The following HEXB variants were observed in gnomAD, a reference collection of about 807,000 sequenced individuals.
HEXB encodes hexosaminidase subunit beta.
HEXB carries 51 observed loss-of-function variants against 71.2 expected under a neutral mutation model. The ratio of observed to expected loss-of-function variants is 0.72; its 90% CI spans 0.57 to 0.90. The LOEUF (loss-of-function observed/expected upper bound fraction) is 0.90. Ranked by LOEUF, HEXB falls within the 40% of genes least tolerant of loss-of-function variation. The probability of loss-of-function intolerance (pLI) is 0.00; values close to 1 mark genes in which losing one functional copy is unlikely to be tolerated. For synonymous variants in HEXB, 266 were observed against 249.3 expected (o/e 1.07, Z -0.63); for missense variants, 617 against 677.0 (o/e 0.91, Z 0.98).
chr5:74,713,071 G>A (rs931628432), intron 6 of HEXB, among the ~76,000 whole-genome samples: 1 of 152,108 alleles, frequency 6.6e-6, no homozygotes, highest in Admixed American at 6.5e-5. Context: ...CAGTGTTTTC[G>A]GAAGTTTCAC....
At chr5:74,686,194 TG>T (rs1361254071) in intron 1 of HEXB, among the ~76,000 whole-genome samples, 1 of 152,214 alleles carries the variant, frequency 6.6e-6, no homozygotes, top group Non-Finnish European at 1.5e-5. Flanking sequence ...CTGCTCTCCC[TG>T]CTTCCTCTTT....
At chr5:74,711,860 G>C (rs942660326) in intron 6 of HEXB, among the ~76,000 whole-genome samples, 196 of 151,700 alleles carry the variant, frequency 1.3e-3, no homozygotes, top group African/African-American at 4.4e-3. Context: ...AACCATTGTG[G>C]AAGTCAGTGT....
At chr5:74,713,984 G>A (rs536724920) in intron 7 of HEXB, among the ~76,000 whole-genome samples, 2 of 152,172 alleles carry the variant, frequency 1.3e-5, no homozygotes, top group Admixed American at 6.5e-5. Flanking sequence ...GGGACTACAG[G>A]CGCCCGCCAC....
At chr5:74,695,995 T>C (rs930234868) in intron 3 of HEXB, among the ~76,000 whole-genome samples, 2 of 152,182 alleles carry the variant, frequency 1.3e-5, no homozygotes, top group African/African-American at 4.8e-5. Context: ...ACAGAAACTT[T>C]CAGAGTTATT....
In HEXB at chr5:74,720,929, A is replaced by C. The variant is rs535229018; in HGVS notation, c.1613+182A>C. On this transcript the variant is annotated intron_variant, in intron 13 of 13. Transcript: ENST00000261416. ...AGACTTGTGACTGTTTTATAGATAC[A>C]AAAAATGTTGGTGTAACTTAGAACT... The C allele has an allele frequency of 3.0e-5, 23 of 765,394 alleles. 1 individual carries two copies. Among genetic ancestry groups the C allele is most frequent in the African/African-American group, 1.9e-4 (11 of 57,010 alleles). 47.4% of individuals were successfully genotyped at this position (765,394 alleles called of 1,614,324 possible).
rs1749298987 is a variant in HEXB at position 74,702,987 on chromosome 5, T to C, written c.670-2232T>C. On this transcript the variant is annotated intron_variant, in intron 5 of 13. Coordinates refer to ENST00000261416, the MANE Select transcript of HEXB (RefSeq NM_000521.4). ...GTTTGTTTGAGATGGAGTTTCGCTCTTGTCGCCCAGGCTGGAGTGCAATGG... is the reference window on the plus strand; with the variant it reads ...GTTTGTTTGAGATGGAGTTTCGCTCCTGTCGCCCAGGCTGGAGTGCAATGG... Among the ~76,000 whole-genome samples the C allele has an allele frequency of 4.6e-5, 7 of 152,238 alleles. No individual in the cohort carries two copies. In the South Asian group the frequency reaches 1.4e-3, roughly 32 times the overall value.
At chr5:74,679,027 C>T (rs1329308074) in intron 1 of HEXB, among the ~76,000 whole-genome samples, 23 of 152,196 alleles carry the variant, frequency 1.5e-4, no homozygotes, top group Admixed American at 1.5e-3. Flanking sequence ...TACACTGTTG[C>T]CGTTTTTGGG....
chr5:74,668,698 A>C (rs1748480263), intron 1 of HEXB, among the ~76,000 whole-genome samples: 1 of 152,250 alleles, frequency 6.6e-6, no homozygotes, highest in East Asian at 1.9e-4. Flanking sequence ...GGACACATCA[A>C]GATACAAAGA....
At chr5:74,706,055 A>G (rs1194636798) in intron 6 of HEXB, 1 of 153,044 alleles carries the variant, frequency 6.5e-6, no homozygotes, top group Non-Finnish European at 1.5e-5. Flanking sequence ...AATTTCAAAC[A>G]TATACAGATA....
At chr5:74,676,291 T>A (rs1272435006) in intron 1 of HEXB, among the ~76,000 whole-genome samples, 1 of 152,184 alleles carries the variant, frequency 6.6e-6, no homozygotes, top group Admixed American at 6.5e-5. Flanking sequence ...ACACTCTGAT[T>A]ACGAACAGTT....
chr5:74,717,673 A>G (rs1456427572), intron 9 of HEXB, among the ~76,000 whole-genome samples: 1 of 152,114 alleles, frequency 6.6e-6, no homozygotes, highest in East Asian at 1.9e-4. Context: ...TAAAACTTAA[A>G]AAAAAATGCT....
At chr5:74,682,379 A>G (rs1359305226), upstream of HEXB, among the ~76,000 whole-genome samples, 1 of 152,210 alleles carries the variant, frequency 6.6e-6, no homozygotes, top group Non-Finnish European at 1.5e-5. Flanking sequence ...AACAAAACAA[A>G]AAAAAGAAGA....
At chr5:74,696,388 A>C (rs910094091) in intron 3 of HEXB, among the ~76,000 whole-genome samples, 4 of 152,172 alleles carry the variant, frequency 2.6e-5, no homozygotes, top group African/African-American at 7.2e-5. Context: ...AGGAACCAGT[A>C]TTTTATTAAA....
chr5:74,664,286 G>A (rs2112093052), intron 1 of HEXB, among the ~76,000 whole-genome samples: 1 of 151,772 alleles, frequency 6.6e-6, no homozygotes, highest in South Asian at 2.1e-4. Context: ...AACTAGCCAG[G>A]TGTGGTGGTG....
intron 1 of HEXB, among the ~76,000 whole-genome samples, chr5:74,678,495 T>C (rs530161513): frequency 6.6e-6 from 1 of 151,706 alleles, no homozygotes; most frequent in African/African-American, 2.4e-5. Context: ...GCCTATTCAA[T>C]ATATGACATT....
At chr5:74,714,806 A>G (rs1749633503) in intron 7 of HEXB, among the ~76,000 whole-genome samples, 1 of 152,188 alleles carries the variant, frequency 6.6e-6, no homozygotes, top group Non-Finnish European at 1.5e-5. Context: ...GAATAGTGAG[A>G]GGTAAATCTG....
chr5:74,658,367 C>T (rs972601433), intron 1 of HEXB, among the ~76,000 whole-genome samples: 5 of 152,210 alleles, frequency 3.3e-5, no homozygotes, highest in African/African-American at 4.8e-5. Flanking sequence ...TAAAGAATTT[C>T]GCCTTGCCCA....
intron 1 of HEXB, among the ~76,000 whole-genome samples, chr5:74,660,345 C>T (rs1748296568): frequency 6.6e-6 from 1 of 152,220 alleles, no homozygotes; most frequent in South Asian, 2.1e-4. Context: ...TGTGACTCAG[C>T]TTGTGACAAA....
chr5:74,660,669 A>G (rs543058602), intron 1 of HEXB, among the ~76,000 whole-genome samples: 78 of 152,370 alleles, frequency 5.1e-4, no homozygotes, highest in Non-Finnish European at 9.1e-4. Context: ...TCTTCCTAGC[A>G]GCAGCTGAAT....
Sources: allele counts gnomAD v4.1 joint callset (sites outside exome capture counted in the v4.1 genomes callset), GRCh38; gene constraint gnomAD v4.1.1; transcripts MANE v1.5; gene names NCBI Gene and HGNC (gene_info 2026-07-23, HGNC 2026-07-21).